Variants in EYS observed in about 807,000 individuals in gnomAD.
EYS encodes EGF-like photoreceptor maintenance factor.
In EYS, 250 loss-of-function variants were observed where a neutral mutation model predicts 282.1. The observed-to-expected ratio is 0.89, with a 90% CI of 0.80 to 0.98. EYS has a LOEUF of 0.98. Among genes scored for constraint, EYS ranks in the 50% least tolerant of loss-of-function variants. EYS has a pLI of 0.00. For missense variants in EYS, 4,016 were observed against 3,709.0 expected, an observed-to-expected ratio of 1.08 and a Z score of -2.15; for synonymous variants, 1,355 against 1,282.9, an observed-to-expected ratio of 1.06 and a Z score of -1.20.
At chr6:63,853,664 T>C (rs1393588429) in intron 36 of EYS, among the ~76,000 whole-genome samples, 1 of 151,960 alleles carries the variant, frequency 6.6e-6, no homozygotes, top group East Asian at 1.9e-4. Flanking sequence ...AAAAAAGAGC[T>C]CATATACCCA....
chr6:64,449,762 C>G (rs1361359151), intron 26 of EYS, among the ~76,000 whole-genome samples: 5 of 152,102 alleles, frequency 3.3e-5, no homozygotes, highest in Admixed American at 2.0e-4. Context: ...AACTAAGCTT[C>G]ATAAGTGAAG....
chr6:64,378,416 T>C (rs1357929241), intron 29 of EYS, among the ~76,000 whole-genome samples: 4 of 152,106 alleles, frequency 2.6e-5, no homozygotes, highest in African/African-American at 9.7e-5. Flanking sequence ...TAGGATCAAA[T>C]GCTTCATAAC....
chr6:64,238,889 C>T lies in EYS; in HGVS notation c.6192-8065G>A, dbSNP rs542179151. On this transcript the variant is annotated intron_variant, in intron 30 of 42. Transcript: ENST00000503581. Reference sequence around the variant, plus strand: ...TCTACATTAGGCATTTCTCCTAATGCTATCCCTCCACTAGCTCCCCATCCC... The same window carrying T: ...TCTACATTAGGCATTTCTCCTAATGTTATCCCTCCACTAGCTCCCCATCCC... 1.2e-4 allele frequency among the ~76,000 whole-genome samples: 18 copies of T among 152,282 alleles called. 1 individual carries two copies. In the South Asian group the frequency reaches 2.9e-3, roughly 25 times the overall value.
intron 12 of EYS, among the ~76,000 whole-genome samples, chr6:65,140,665 T>A (rs913673802): frequency 6.6e-6 from 1 of 151,226 alleles, no homozygotes; most frequent in Non-Finnish European, 1.5e-5. Flanking sequence ...AACAACCCCA[T>A]CAAAAAGTGG....
chr6:64,830,617 G>A (rs1366359818), intron 19 of EYS, among the ~76,000 whole-genome samples: 1 of 151,924 alleles, frequency 6.6e-6, no homozygotes, highest in African/African-American at 2.4e-5. Context: ...ATCAGATGCA[G>A]TACCAAGATC....
chr6:64,870,852 A>T (rs1766574820), intron 19 of EYS, among the ~76,000 whole-genome samples: 1 of 151,876 alleles, frequency 6.6e-6, no homozygotes, highest in Non-Finnish European at 1.5e-5. Context: ...AAAATAGTGA[A>T]TGTAAAGATA....
At chr6:64,099,194 T>A (rs1051378736) in intron 31 of EYS, among the ~76,000 whole-genome samples, 2 of 152,156 alleles carry the variant, frequency 1.3e-5, no homozygotes, top group African/African-American at 4.8e-5. Context: ...TTTATGCCCA[T>A]TTTTCCCCCT....
intron 22 of EYS, among the ~76,000 whole-genome samples, chr6:64,778,546 TG>T (rs1340514767): frequency 6.6e-6 from 1 of 152,138 alleles, no homozygotes. Flanking sequence ...TGCTTCTCTC[TG>T]AGAATTTAAA....
chr6:64,071,380 G>A (rs1771568816), intron 32 of EYS, among the ~76,000 whole-genome samples: 1 of 151,832 alleles, frequency 6.6e-6, no homozygotes, highest in African/African-American at 2.4e-5. Context: ...CTGATGAAAT[G>A]AAATTATTAC....
chr6:65,626,522 A>T (rs1766697848), intron 2 of EYS, among the ~76,000 whole-genome samples: 1 of 152,176 alleles, frequency 6.6e-6, no homozygotes, highest in South Asian at 2.1e-4. Context: ...TACAATGAAT[A>T]AACTAAACCT....
At chr6:65,363,532 T>C (rs1287667384) in intron 8 of EYS, among the ~76,000 whole-genome samples, 1 of 151,906 alleles carries the variant, frequency 6.6e-6, no homozygotes, top group Non-Finnish European at 1.5e-5. Flanking sequence ...TGATGTTGTT[T>C]TTCATGGCGT....
At chr6:65,190,609 T>G (rs1765619543) in intron 12 of EYS, among the ~76,000 whole-genome samples, 1 of 151,746 alleles carries the variant, frequency 6.6e-6, no homozygotes. Context: ...GATAAGAATA[T>G]GGGCATGCTG....
At chr6:63,912,827 G>A (rs1482971975) in intron 35 of EYS, among the ~76,000 whole-genome samples, 1 of 140,432 alleles carries the variant, frequency 7.1e-6, no homozygotes, top group African/African-American at 2.7e-5. Flanking sequence ...CTTCCACCAT[G>A]TTTGGAAGCT....
At chr6:64,352,402 C>T (rs1220429938) in intron 29 of EYS, among the ~76,000 whole-genome samples, 1 of 151,488 alleles carries the variant, frequency 6.6e-6, no homozygotes, top group African/African-American at 2.4e-5. Context: ...GTTCAATATA[C>T]GTTCACTAGT....
At chr6:64,428,950 G>T (rs1375307230) in intron 28 of EYS, among the ~76,000 whole-genome samples, 2 of 151,952 alleles carry the variant, frequency 1.3e-5, no homozygotes, top group East Asian at 3.9e-4. Flanking sequence ...GGTAACATCT[G>T]CCCTTTTTGA....
At chr6:64,826,351 T>C (rs982484384) in intron 19 of EYS, among the ~76,000 whole-genome samples, 1 of 151,958 alleles carries the variant, frequency 6.6e-6, no homozygotes, top group African/African-American at 2.4e-5. Flanking sequence ...CAGCAATAGT[T>C]TATGTTTGAA....
intron 12 of EYS, among the ~76,000 whole-genome samples, chr6:65,236,537 G>A (rs560936869): frequency 6.6e-6 from 1 of 152,102 alleles, no homozygotes; most frequent in Admixed American, 6.6e-5. Context: ...GAACCTGGGA[G>A]GTGGAGGTTG....
chr6:64,129,095 T>C (rs184485118), intron 31 of EYS, among the ~76,000 whole-genome samples: 9 of 152,322 alleles, frequency 5.9e-5, no homozygotes, highest in Non-Finnish European at 1.2e-4. Flanking sequence ...TGTTTATAGA[T>C]GTTTTGCACT....
chr6:64,324,263 AG>A (rs1232183714), intron 29 of EYS, among the ~76,000 whole-genome samples: 1 of 152,226 alleles, frequency 6.6e-6, no homozygotes, highest in Non-Finnish European at 1.5e-5. Context: ...ATCCAGTAGC[AG>A]ATCAAAAAGT....
Sources: allele counts gnomAD v4.1 joint callset (sites outside exome capture counted in the v4.1 genomes callset), GRCh38; gene constraint gnomAD v4.1.1; transcripts MANE v1.5; gene names NCBI Gene and HGNC (gene_info 2026-07-23, HGNC 2026-07-21).